SOX6: variants seen among roughly 807,000 people sequenced by gnomAD.
The protein encoded by SOX6 is transcription factor SOX-6.
In SOX6, 11 loss-of-function variants were observed where a neutral mutation model predicts 97.8. That is an observed-to-expected ratio of 0.11 (90% CI 0.07 to 0.19). The LOEUF is 0.19. Ranked by LOEUF, SOX6 falls within the 10% of genes least tolerant of loss-of-function variation. The pLI, the probability that SOX6 is intolerant of heterozygous loss-of-function variation, is 1.00. For synonymous variants in SOX6, 360 were observed against 371.4 expected (o/e 0.97, Z 0.35); for missense variants, 810 against 1,039.5 (o/e 0.78, Z 3.04).
At chr11:16,152,870 T>TTTTG (rs940472307) in intron 6 of SOX6, among the ~76,000 whole-genome samples, 4 of 151,602 alleles carry the variant, frequency 2.6e-5, no homozygotes, top group Admixed American at 2.0e-4. Flanking sequence ...AGCCCTAATT[T>TTTTG]TTTGTTTGTT....
intron 1 of SOX6, among the ~76,000 whole-genome samples, chr11:16,457,719 T>G (rs954063987): frequency 6.6e-6 from 1 of 152,038 alleles, no homozygotes. Flanking sequence ...TAGAATTCTT[T>G]TTTGCTTCTT....
intron 15 of SOX6, 65 bp downstream of exon 15, chr11:15,986,139 G>A (rs1853829974): frequency 7.1e-7 from 1 of 1,402,096 alleles, no homozygotes; most frequent in Non-Finnish European, 1.0e-6. Context: ...CATACTGCCA[G>A]TAGCCATCCT....
chr11:16,092,269 GAATT>G (rs1848706936), intron 9 of SOX6, among the ~76,000 whole-genome samples: 1 of 152,010 alleles, frequency 6.6e-6, no homozygotes, highest in African/African-American at 2.4e-5. Context: ...GGACAGGTTT[GAATT>G]AATAAGTAAT....
chr11:16,253,626 A>G (rs1853586443), intron 3 of SOX6, among the ~76,000 whole-genome samples: 1 of 152,084 alleles, frequency 6.6e-6, no homozygotes, highest in African/African-American at 2.4e-5. Context: ...GGATATGACT[A>G]AGAAAAGAAT....
At chr11:16,405,675 C>G (rs1858669680) in intron 1 of SOX6, among the ~76,000 whole-genome samples, 1 of 151,978 alleles carries the variant, frequency 6.6e-6, no homozygotes, top group Admixed American at 6.6e-5. Flanking sequence ...AGAACCATGC[C>G]CCAACAAAAC....
intron 3 of SOX6, among the ~76,000 whole-genome samples, chr11:16,674,592 G>A (rs557729514): frequency 6.6e-6 from 1 of 152,286 alleles, no homozygotes; most frequent in African/African-American, 2.4e-5. Context: ...CCAAGGCTGG[G>A]CATGGTAGCT....
intron 1 of SOX6, among the ~76,000 whole-genome samples, chr11:16,416,249 A>C (rs943677757): frequency 4.6e-5 from 7 of 152,238 alleles, no homozygotes; most frequent in African/African-American, 1.7e-4. Flanking sequence ...AGCTCCCTGT[A>C]GACTGAAATG....
At chr11:16,396,805 C>A (rs1012132863) in intron 1 of SOX6, among the ~76,000 whole-genome samples, 1 of 151,442 alleles carries the variant, frequency 6.6e-6, no homozygotes, top group Non-Finnish European at 1.5e-5. Context: ...GAGGAGCAGT[C>A]TTTAGTGGAA....
chr11:16,000,613 G>T (rs781420124), intron 13 of SOX6, among the ~76,000 whole-genome samples: 11 of 152,222 alleles, frequency 7.2e-5, no homozygotes, highest in Admixed American at 1.3e-4. Context: ...TCATCTTAAG[G>T]TTCCTTAGCC....
intron 1 of SOX6, among the ~76,000 whole-genome samples, chr11:16,370,580 C>A (rs1227295012): frequency 6.6e-6 from 1 of 152,064 alleles, no homozygotes; most frequent in Non-Finnish European, 1.5e-5. Context: ...TTATCTCCAA[C>A]CCACTCCTCC....
At chr11:16,080,959 C>G (rs1164901620) in intron 9 of SOX6, among the ~76,000 whole-genome samples, 1 of 152,002 alleles carries the variant, frequency 6.6e-6, no homozygotes, top group African/African-American at 2.4e-5. Context: ...CATGGTGACT[C>G]AAGCCTGTAA....
intron 12 of SOX6, among the ~76,000 whole-genome samples, chr11:16,025,639 A>G (rs1213219340): frequency 6.6e-6 from 1 of 152,192 alleles, no homozygotes; most frequent in Non-Finnish European, 1.5e-5. Flanking sequence ...CAAGTTGAAA[A>G]CATCAAAGCT....
chr11:16,727,274 T>C (rs895136655), intron 2 of SOX6, among the ~76,000 whole-genome samples: 2 of 150,576 alleles, frequency 1.3e-5, no homozygotes, highest in Non-Finnish European at 2.9e-5. Context: ...TCACTTTATA[T>C]GCTATATTCA....
intron 9 of SOX6, among the ~76,000 whole-genome samples, chr11:16,071,866 C>A (rs1276553061): frequency 6.6e-6 from 1 of 151,660 alleles, no homozygotes; most frequent in African/African-American, 2.4e-5. Context: ...TCAACTGAAC[C>A]CACCTTTTAC....
rs550604622 is a variant in SOX6, at chr11:16,707,710, T to C, written n.429+7120A>G. Among the ~76,000 whole-genome samples the C allele has an allele frequency of 3.3e-5, 5 of 152,228 alleles. No individual in the cohort carries two copies. The South Asian group carries it at 1.0e-3, about 32-fold the overall frequency. On this transcript the variant is annotated intron_variant and non_coding_transcript_variant, in intron 3 of 5. Transcript: ENST00000524520. ...GTCTATTCAAATGTGAAAAACACTG[T>C]GCTATAATGAGTGAAATAGAAAACC...
At chr11:16,232,279 G>C (rs1389040054) in intron 4 of SOX6, among the ~76,000 whole-genome samples, 1 of 151,718 alleles carries the variant, frequency 6.6e-6, no homozygotes, top group Non-Finnish European at 1.5e-5. Flanking sequence ...TATTTTAACT[G>C]ATTTTTTCAT....
At chr11:16,216,486 C>T (rs988653685) in intron 4 of SOX6, among the ~76,000 whole-genome samples, 3 of 152,038 alleles carry the variant, frequency 2.0e-5, no homozygotes, top group African/African-American at 7.2e-5. Flanking sequence ...CAATAAGAAT[C>T]AGTTCATCAG....
At chr11:16,168,438 A>G (rs1171841864) in intron 6 of SOX6, among the ~76,000 whole-genome samples, 2 of 151,990 alleles carry the variant, frequency 1.3e-5, no homozygotes, top group Non-Finnish European at 2.9e-5. Context: ...ATTTTTTGTG[A>G]CTCTCATTTC....
intron 6 of SOX6, among the ~76,000 whole-genome samples, chr11:16,148,641 T>C (rs557221425): frequency 6.6e-6 from 1 of 152,170 alleles, no homozygotes; most frequent in African/African-American, 2.4e-5. Context: ...CTTTGCCATC[T>C]GAGCCCTAAG....
Sources: gnomAD v4.1 joint callset for allele counts (sites outside exome capture counted in the v4.1 genomes callset) on GRCh38, gnomAD v4.1.1 for gene constraint, MANE v1.5 for transcripts, NCBI Gene and HGNC (gene_info 2026-07-23, HGNC 2026-07-21) for gene names.